The following GPR158 variants were observed in gnomAD, a reference collection of about 807,000 sequenced individuals.
GPR158 encodes the protein G protein-coupled receptor 158.
Under a neutral mutation model 78.2 loss-of-function variants are expected in GPR158, and 30 were observed. That is an observed-to-expected ratio of 0.38 (90% CI 0.29 to 0.52). The LOEUF is 0.52. Ranked by LOEUF, GPR158 falls within the 20% of genes least tolerant of loss-of-function variation. The probability of loss-of-function intolerance (pLI) is 0.83; values close to 1 mark genes in which losing one functional copy is unlikely to be tolerated. For missense variants in GPR158, 1,463 were observed against 1,523.5 expected (o/e 0.96, Z 0.66); for synonymous variants, 581 against 591.1 (o/e 0.98, Z 0.25).
chr10:25,267,308 G>T (rs1341651054), intron 2 of GPR158, among the ~76,000 whole-genome samples: 1 of 152,122 alleles, frequency 6.6e-6, no homozygotes, highest in Admixed American at 6.6e-5. Context: ...AAGCAAACAT[G>T]CCCTTATTCA....
intron 2 of GPR158, among the ~76,000 whole-genome samples, chr10:25,288,383 G>A (rs114692776): frequency 0.012 from 1,830 of 152,302 alleles, 27 homozygotes; most frequent in South Asian, 0.058. Context: ...TGTGAGTTAA[G>A]TGACTCATCA....
intron 1 of GPR158, among the ~76,000 whole-genome samples, chr10:25,208,559 TGTGTGTG>T (rs1297417722): frequency 5.3e-4 from 2 of 3,754 alleles, no homozygotes; most frequent in African/African-American, 1.2e-3. Context: ...TATGTGAATT[TGTGTGTG>T]TGTGTGTGTG....
chr10:25,372,823 C>T (rs1012188213), intron 2 of GPR158, among the ~76,000 whole-genome samples: 2 of 126,294 alleles, frequency 1.6e-5, no homozygotes, highest in African/African-American at 6.1e-5. Context: ...CTAACCTGCA[C>T]ATTGTGCACA....
intron 2 of GPR158, among the ~76,000 whole-genome samples, chr10:25,229,384 CT>C (rs1853418751): frequency 6.6e-6 from 1 of 152,108 alleles, no homozygotes; most frequent in African/African-American, 2.4e-5. Context: ...ATAAATTTTA[CT>C]TTTTCTGTTG....
At chr10:25,237,185 A>G (rs915504379) in intron 2 of GPR158, among the ~76,000 whole-genome samples, 1 of 152,158 alleles carries the variant, frequency 6.6e-6, no homozygotes, top group South Asian at 2.1e-4. Context: ...TAAGACCCAT[A>G]AGAAAGATTT....
intron 5 of GPR158, chr10:25,475,786 G>C (rs964976704): frequency 6.6e-6 from 1 of 152,034 alleles, no homozygotes; most frequent in African/African-American, 2.4e-5. Flanking sequence ...CTACTGGGAG[G>C]TTACAATTTT....
Position 25,176,272 on chromosome 10 carries a change from T to G in GPR158, c.852T>G (p.Thr284=). The G allele has an allele frequency of 6.2e-7, 1 of 1,610,038 alleles. No homozygotes were observed. The highest frequency in any genetic ancestry group is 1.1e-5 in the South Asian group (1 of 89,828). Residue 284 remains threonine, a synonymous_variant, in exon 1 of 11, where the codon ACT becomes ACG. Coordinates refer to ENST00000376351, the MANE Select transcript of GPR158 (RefSeq NM_020752.3). This position sits in a 1 kb window ranked among gnomAD's most constrained non-coding sequence, Gnocchi z 6.3. ...NGSYKPGWLV[T]LSSAIYGLQP... The stretch of plus-strand genomic sequence containing the variant: ...GTTACAAGCCCGGGTGGCTGGTTAC[T>G]CTTTCCTCTGCCATCTACGGGTTGC...
At chr10:25,485,322 A>G (rs1835721736) in intron 5 of GPR158, among the ~76,000 whole-genome samples, 1 of 152,106 alleles carries the variant, frequency 6.6e-6, no homozygotes, top group African/African-American at 2.4e-5. Context: ...AAAGAGTCAC[A>G]GTTCAATAAA....
chr10:25,313,357 C>T (rs1435376605), intron 2 of GPR158, among the ~76,000 whole-genome samples: 1 of 151,512 alleles, frequency 6.6e-6, no homozygotes, highest in African/African-American at 2.4e-5. Context: ...ATGTAACAAA[C>T]CTGCACGTTT....
chr10:25,401,224 G>A (rs1183540523), intron 3 of GPR158, among the ~76,000 whole-genome samples: 2 of 152,108 alleles, frequency 1.3e-5, no homozygotes, highest in African/African-American at 4.8e-5. Context: ...GAACACCACA[G>A]TCTCATAAAT....
At chr10:25,238,231 CCCTCCACACTCACTCCCA>C (rs1208613492) in intron 2 of GPR158, among the ~76,000 whole-genome samples, 1 of 152,198 alleles carries the variant, frequency 6.6e-6, no homozygotes, top group African/African-American at 2.4e-5. Context: ...TCCATATCCT[CCCTCCACACTCACTCCCA>C]CCTCCCGAAG....
At chr10:25,389,205 C>G (rs1043591215) in intron 2 of GPR158, among the ~76,000 whole-genome samples, 3 of 152,170 alleles carry the variant, frequency 2.0e-5, no homozygotes, top group Admixed American at 6.5e-5. Flanking sequence ...CCATGGCCAC[C>G]CATGGACCAA....
chr10:25,538,370 G>T (rs1836528506), intron 5 of GPR158, among the ~76,000 whole-genome samples: 1 of 152,098 alleles, frequency 6.6e-6, no homozygotes, highest in Admixed American at 6.6e-5. Context: ...CTTATGCCTT[G>T]TTTTATAGAA....
At chr10:25,418,456 G>A (rs1238368790) in intron 4 of GPR158, among the ~76,000 whole-genome samples, 1 of 152,066 alleles carries the variant, frequency 6.6e-6, no homozygotes, top group East Asian at 1.9e-4. Context: ...TTGTCCCTAT[G>A]CCTTTGGTTA....
At chr10:25,474,636 G>A (rs1042858744) in intron 5 of GPR158, among the ~76,000 whole-genome samples, 2 of 152,104 alleles carry the variant, frequency 1.3e-5, no homozygotes, top group African/African-American at 4.8e-5. Context: ...TCATTCTCTT[G>A]CACAGATATT....
intron 2 of GPR158, among the ~76,000 whole-genome samples, chr10:25,308,450 G>C (rs12259611): frequency 3.7e-4 from 56 of 151,974 alleles, no homozygotes; most frequent in African/African-American, 1.4e-3. Context: ...TTTTTATGTG[G>C]TTATGAGCCA....
chr10:25,322,492 A>T (rs929068860), intron 2 of GPR158, among the ~76,000 whole-genome samples: 1 of 152,204 alleles, frequency 6.6e-6, no homozygotes, highest in African/African-American at 2.4e-5. Flanking sequence ...TTGTATCTTT[A>T]CAAAATTTTG....
chr10:25,222,750 T>C (rs2807234), intron 2 of GPR158, among the ~76,000 whole-genome samples: 12,116 of 152,214 alleles, frequency 0.08, 724 homozygotes, highest in East Asian at 0.26. Flanking sequence ...ATGGACTTTT[T>C]TCTGCATGGG....
chr10:25,220,976 T>A, intron 1 of GPR158, 76 bp from the exon 2 acceptor site: 1 of 895,012 alleles, frequency 1.1e-6, no homozygotes, highest in Non-Finnish European at 1.7e-6. Flanking sequence ...GATAATTTTC[T>A]AATTTCAAGC....
Sources: gnomAD v4.1 joint callset for allele counts (sites outside exome capture counted in the v4.1 genomes callset) on GRCh38, gnomAD v4.1.1 for gene constraint, Gnocchi (gnomAD v3.1) non-coding constraint, MANE v1.5 for transcripts, NCBI Gene and HGNC (gene_info 2026-07-23, HGNC 2026-07-21) for gene names.